The following ATP1A1 variants were observed in gnomAD, a reference collection of about 807,000 sequenced individuals.
ATP1A1 encodes ATPase Na+/K+ transporting subunit alpha 1.
In ATP1A1, 14 loss-of-function variants were observed where a neutral mutation model predicts 114.8. That is an observed-to-expected ratio of 0.12 (90% CI 0.08 to 0.19). The LOEUF (loss-of-function observed/expected upper bound fraction) is 0.19, where lower values mean the gene tolerates loss of function less well. Among genes scored for constraint, ATP1A1 ranks in the 10% least tolerant of loss-of-function variants. The pLI is 1.00. For missense variants in ATP1A1, 524 were observed against 1,290.7 expected (o/e 0.41, Z 9.10); for synonymous variants, 471 against 466.3 (o/e 1.01, Z -0.13).
chr1:116,383,408 C>G (rs1651874505), intron 1 of ATP1A1: 1 of 957,834 alleles, frequency 1.0e-6, no homozygotes, highest in Non-Finnish European at 1.3e-6. Context: ...AGAATATAAA[C>G]AGTATAAAAG....
rs56157844 is a variant in ATP1A1 at position 116,390,350 on chromosome 1, A to G, written c.1161A>G (p.Thr387=). ...GAACTCTGACTCAGAACCGGATGACAGTGGCCCACATGTGGTTTGACAATC... is the reference window on the plus strand; with the variant it reads ...GAACTCTGACTCAGAACCGGATGACGGTGGCCCACATGTGGTTTGACAATC... The part of the protein sequence containing the change: ...KTGTLTQNRM[T]VAHMWFDNQI... The change falls in exon 9 of 23, where the codon ACA becomes ACG. Residue 387 remains threonine (T), a synonymous_variant. Transcript: ENST00000295598. 3.7e-6 allele frequency: 6 copies of G among 1,614,166 alleles called. No individual in the cohort carries two copies. The highest frequency in any genetic ancestry group is 5.1e-6 in the Non-Finnish European group (6 of 1,180,016).
chr1:116,395,390 C>T lies in ATP1A1; in HGVS notation c.1836+105C>T. The T allele has an allele frequency of 4.0e-6, 5 of 1,235,738 alleles. No individual in the cohort carries two copies. The highest frequency in any genetic ancestry group is 5.5e-6 in the Non-Finnish European group (5 of 908,270). 76.5% of individuals were successfully genotyped at this position (1,235,738 alleles called of 1,614,324 possible). A position where few individuals can be genotyped will look rare whatever the true frequency, so the allele number is the denominator to read the frequency against. ...CAGATGGCCAGCTGTTCTATCTCAC[C>T]TGGAGTATTAATTTCTCATCTCCAA... On this transcript the variant is annotated intron_variant, in intron 13 of 22. Coordinates refer to ENST00000295598, the MANE Select transcript of ATP1A1 (RefSeq NM_000701.8). This position sits in a 1 kb window ranked among gnomAD's most constrained non-coding sequence, Gnocchi z 6.4.
At chr1:116,390,076 A>T in intron 8 of ATP1A1, 137 bp from the exon 9 acceptor site, 1 of 925,036 alleles carries the variant, frequency 1.1e-6, no homozygotes, top group Non-Finnish European at 1.7e-6. Context: ...GGTTCCCCTT[A>T]TTATTTCTTC....
At position 116,404,673 on chromosome 1, in the gene ATP1A1, T is replaced by C; in HGVS notation, c.*229T>C. 1 of 1,294,752 alleles carries C rather than the reference T, an allele frequency of 7.7e-7. No individual in the cohort carries two copies. Among genetic ancestry groups the C allele is most frequent in the Non-Finnish European group, 9.7e-7 (1 of 1,026,510 alleles). The allele number at this position is 1,294,752 out of a possible 1,614,324, so 80.2% of individuals were successfully genotyped here. On this transcript the variant is annotated 3_prime_UTR_variant, in exon 23 of 23. Transcript: ENST00000295598. The surrounding 1 kb of genome is among the most constrained non-coding windows in gnomAD (Gnocchi z 4.8). The stretch of plus-strand genomic sequence containing the variant: ...TGGAAATGACAGCGGGGAAGGTTTT[T>C]ATGTGCCTTTTTGTTTTTGTAAAAA...
intron 10 of ATP1A1, chr1:116,392,352 C>T (rs1652536372): frequency 6.6e-6 from 1 of 152,596 alleles, no homozygotes; most frequent in South Asian, 2.1e-4. Flanking sequence ...CAGTCTTCTA[C>T]TTTGCCCTTG....
rs1033507557 is a variant in ATP1A1 at position 116,389,967 on chromosome 1, G to C, written c.1024-246G>C. ...GAACAGTGCAGTGGAGAAAGGAGAA[G>C]AACTTGGGATCAAGTAGGGGGATAG... is the stretch of plus-strand genomic sequence containing the variant. On this transcript the variant is annotated intron_variant, in intron 8 of 22. Coordinates refer to ENST00000295598, the MANE Select transcript of ATP1A1 (RefSeq NM_000701.8). The surrounding 1 kb of genome is among the most constrained non-coding windows in gnomAD (Gnocchi z 6.9). 1.3e-5 allele frequency: 9 copies of C among 667,530 alleles called. No individual in the cohort carries two copies. Among genetic ancestry groups the C allele is most frequent in the South Asian group, 1.0e-4 (5 of 49,558 alleles). The allele number at this position is 667,530 out of a possible 1,614,324, so 41.4% of individuals were successfully genotyped here.
rs770190742 is a variant in ATP1A1 at position 116,388,919 on chromosome 1, C to T, written c.654C>T (p.Leu218=). 6.2e-7 allele frequency: 1 copy of T among 1,614,160 alleles called. No homozygotes were observed. The highest frequency in any genetic ancestry group is 8.5e-7 in the Non-Finnish European group (1 of 1,180,020). Residue 218 remains leucine (L), a synonymous_variant, in exon 7 of 23, where the codon CTC becomes CTT. Coordinates refer to ENST00000295598, the MANE Select transcript of ATP1A1 (RefSeq NM_000701.8). The surrounding 1 kb of genome is among the most constrained non-coding windows in gnomAD (Gnocchi z 5.6). ...ACATATAGGTGGATAACTCCTCGCT[C>T]ACTGGTGAATCAGAACCCCAGACTA... ...ANGCKVDNSS[L]TGESEPQTRS...
chr1:116,376,775 A>G (rs868614568), intron 1 of ATP1A1, among the ~76,000 whole-genome samples: 14 of 152,160 alleles, frequency 9.2e-5, no homozygotes, highest in Admixed American at 1.3e-4. Flanking sequence ...AGCCCAAAAA[A>G]CAAACCAAAA....
rs1165061765 is a variant in ATP1A1 at position 116,395,249 on chromosome 1, T to C, written c.1800T>C (p.Pro600=). 6.2e-7 allele frequency: 1 copy of C among 1,614,164 alleles called. No homozygotes were observed. The highest frequency in any genetic ancestry group is 1.7e-5 in the Admixed American group (1 of 60,016). ...TTGACCCTCCACGGGCGGCCGTTCC[T>C]GATGCCGTGGGCAAATGTCGAAGTG... ...SMIDPPRAAV[P]DAVGKCRSAG... is the part of the protein sequence containing the mutation. The change falls in exon 13 of 23, where the codon CCT becomes CCC. Residue 600 remains proline (P), a synonymous_variant. Transcript: ENST00000295598. The surrounding 1 kb of genome is among the most constrained non-coding windows in gnomAD (Gnocchi z 6.4).
Position 116,389,418 on chromosome 1 carries a change from C to G in ATP1A1, c.755-21C>G. 6.2e-7 allele frequency: 1 copy of G among 1,612,392 alleles called. No individual in the cohort carries two copies. On this transcript the variant is annotated intron_variant, in intron 7 of 22. Coordinates refer to ENST00000295598, the MANE Select transcript of ATP1A1 (RefSeq NM_000701.8). This position sits in a 1 kb window ranked among gnomAD's most constrained non-coding sequence, Gnocchi z 6.9. The stretch of plus-strand genomic sequence containing the variant: ...AGGTTAGATACAATTAGGTACAGTT[C>G]TCCCTCCCCTTCTTTTTAAGGCACC...
chr1:116,388,573 C>T lies in ATP1A1; in HGVS notation c.502-65C>T, dbSNP rs1652250594. On this transcript the variant is annotated intron_variant, in intron 5 of 22. Coordinates refer to ENST00000295598, the MANE Select transcript of ATP1A1 (RefSeq NM_000701.8). The surrounding 1 kb of genome is among the most constrained non-coding windows in gnomAD (Gnocchi z 5.6). ...TTAGGATTATGACTATTTTTATTTT[C>T]TTGTTTTGGACACTACCTTCTCTTT... The T allele has an allele frequency of 2.6e-6, 4 of 1,527,360 alleles. No individual in the cohort carries two copies. The highest frequency in any genetic ancestry group is 2.8e-5 in the African/African-American group (2 of 71,406). 94.6% of individuals were successfully genotyped at this position (1,527,360 alleles called of 1,614,324 possible). A position where few individuals can be genotyped will look rare whatever the true frequency, so the allele number is the denominator to read the frequency against.
Position 116,404,410 on chromosome 1 carries a change from C to T in ATP1A1, c.3044-6C>T. 1 of 1,613,780 alleles carries T rather than the reference C, an allele frequency of 6.2e-7. No homozygotes were observed. Among genetic ancestry groups the T allele is most frequent in the South Asian group, 1.1e-5 (1 of 91,050 alleles). On this transcript the variant is annotated splice_region_variant and splice_polypyrimidine_tract_variant and intron_variant, in intron 22 of 22. Transcript: ENST00000295598. This position sits in a 1 kb window ranked among gnomAD's most constrained non-coding sequence, Gnocchi z 4.8. The stretch of plus-strand genomic sequence containing the variant: ...TGTGTCTTGTCTGTCTCTTTGCCAC[C>T]CACAGGCTGGGTGGAGAAGGAAACC...
In ATP1A1 at chr1:116,401,715, C is replaced by T; in HGVS notation, c.2951+60C>T. On this transcript the variant is annotated intron_variant, in intron 21 of 22. Coordinates refer to ENST00000295598, the MANE Select transcript of ATP1A1 (RefSeq NM_000701.8). The surrounding 1 kb of genome is among the most constrained non-coding windows in gnomAD (Gnocchi z 4.7). ...AAATAGTATGTGTGGCTTTTCCCCC[C>T]ATTACTTGTGGTAATAGTTGTTATT... The T allele has an allele frequency of 6.6e-7, 1 of 1,507,970 alleles. No homozygotes were observed. 93.4% of individuals were successfully genotyped at this position (1,507,970 alleles called of 1,614,324 possible). A position where few individuals can be genotyped will look rare whatever the true frequency, so the allele number is the denominator to read the frequency against.
At position 116,401,032 on chromosome 1, in the gene ATP1A1, A is replaced by G. The variant is rs1310201697; in HGVS notation, c.2718+26A>G. On this transcript the variant is annotated intron_variant, in intron 19 of 22. Coordinates refer to ENST00000295598, the MANE Select transcript of ATP1A1 (RefSeq NM_000701.8). The surrounding 1 kb of genome is among the most constrained non-coding windows in gnomAD (Gnocchi z 4.7). ...GTGAGTGGGCACCTCTGACCTGACC[A>G]GTGTCAGAGCTCCTCAAGCCCCAGA... is the stretch of plus-strand genomic sequence containing the variant. The G allele has an allele frequency of 4.3e-6, 7 of 1,613,872 alleles. No homozygotes were observed. Among genetic ancestry groups the G allele is most frequent in the Non-Finnish European group, 5.1e-6 (6 of 1,179,740 alleles).
Position 116,401,788 on chromosome 1 carries a change from CTG to C in ATP1A1, c.2951+136_2951+137del, listed in dbSNP as rs1411858212. On this transcript the variant is annotated intron_variant, in intron 21 of 22. Coordinates refer to ENST00000295598, the MANE Select transcript of ATP1A1 (RefSeq NM_000701.8). This position sits in a 1 kb window ranked among gnomAD's most constrained non-coding sequence, Gnocchi z 4.7. Reference sequence around the variant, plus strand: ...ACAAAAATTCCTATGGGTTGGAAAACTGTGAAAGCTTGACATGTCAGTAAATC... The same window carrying C: ...ACAAAAATTCCTATGGGTTGGAAAACTGAAAGCTTGACATGTCAGTAAATC... The C allele has an allele frequency of 7.6e-5, 62 of 812,174 alleles. 1 individual carries two copies. Among genetic ancestry groups the C allele is most frequent in the South Asian group, 3.5e-4 (21 of 60,770 alleles). 50.3% of individuals were successfully genotyped at this position (812,174 alleles called of 1,614,324 possible).
chr1:116,404,468 G>GC lies in ATP1A1; in HGVS notation c.*25dup. On this transcript the variant is annotated 3_prime_UTR_variant, in exon 23 of 23. Coordinates refer to ENST00000295598, the MANE Select transcript of ATP1A1 (RefSeq NM_000701.8). The surrounding 1 kb of genome is among the most constrained non-coding windows in gnomAD (Gnocchi z 4.8). ...AGCCCCCCGTCCTGCACGCCGTGGA[G>GC]CATCAGGCCACACACTCTGCATCCG... 1 of 1,605,222 alleles carries GC rather than the reference G, an allele frequency of 6.2e-7. No homozygotes were observed. Among genetic ancestry groups the GC allele is most frequent in the Non-Finnish European group, 8.5e-7 (1 of 1,177,392 alleles).
intron 1 of ATP1A1, chr1:116,383,686 C>G: frequency 4.5e-6 from 1 of 222,996 alleles, no homozygotes; most frequent in Non-Finnish European, 8.9e-6. Flanking sequence ...TGGAAGGCTG[C>G]AGAATAGGGA....
At chr1:116,400,758 C>T in intron 18 of ATP1A1, 103 bp from the exon 19 acceptor site, 1 of 1,369,682 alleles carries the variant, frequency 7.3e-7, no homozygotes, top group Non-Finnish European at 1.0e-6. Context: ...GGGAAACACT[C>T]CTCCATATGT....
chr1:116,375,103 C>T (rs1258230340), intron 1 of ATP1A1, among the ~76,000 whole-genome samples: 1 of 152,162 alleles, frequency 6.6e-6, no homozygotes, highest in Non-Finnish European at 1.5e-5. Flanking sequence ...CACTTTAAAG[C>T]TCATTCTTTG....
Sources: allele counts gnomAD v4.1 joint callset (sites outside exome capture counted in the v4.1 genomes callset), GRCh38; gene constraint gnomAD v4.1.1; non-coding constraint Gnocchi (gnomAD v3.1); transcripts MANE v1.5; gene names NCBI Gene and HGNC (gene_info 2026-07-23, HGNC 2026-07-21).